The following AKAP6 variants were observed in gnomAD, a reference collection of about 807,000 sequenced individuals.
AKAP6 encodes A-kinase anchoring protein 6, also known as A-kinase anchor protein 6.
Under a neutral mutation model 188.5 loss-of-function variants are expected in AKAP6, and 58 were observed. That is an observed-to-expected ratio of 0.31 (90% CI 0.25 to 0.38). The LOEUF (loss-of-function observed/expected upper bound fraction) is 0.38. Among genes scored for constraint, AKAP6 ranks in the 10% least tolerant of loss-of-function variants. AKAP6 has a pLI of 1.00. For synonymous variants in AKAP6, 989 were observed against 998.6 expected, an observed-to-expected ratio of 0.99 and a Z score of 0.18; for missense variants, 2,710 against 2,740.0, an observed-to-expected ratio of 0.99 and a Z score of 0.24.
chr14:32,529,557 C>T (rs550983497), intron 2 of AKAP6, among the ~76,000 whole-genome samples: 18 of 152,114 alleles, frequency 1.2e-4, no homozygotes, highest in African/African-American at 3.4e-4. Context: ...TCAGTCTTTG[C>T]GGGAAAACTT....
chr14:32,555,907 T>G (rs527585514), intron 4 of AKAP6, among the ~76,000 whole-genome samples: 1 of 152,156 alleles, frequency 6.6e-6, no homozygotes, highest in East Asian at 1.9e-4. Flanking sequence ...TGAACATGGG[T>G]GTACAATTAT....
intron 4 of AKAP6, among the ~76,000 whole-genome samples, chr14:32,550,279 G>A (rs1194850142): frequency 6.6e-6 from 1 of 152,210 alleles, no homozygotes; most frequent in Non-Finnish European, 1.5e-5. Context: ...TTGAAGTAGA[G>A]GTGGTGCAGG....
chr14:32,337,347 G>A (rs879492650), intron 1 of AKAP6, among the ~76,000 whole-genome samples: 2 of 152,166 alleles, frequency 1.3e-5, no homozygotes, highest in Non-Finnish European at 2.9e-5. Flanking sequence ...GGCTTGGCTA[G>A]TAGGAGCACA....
At chr14:32,440,250 T>C (rs150459226) in intron 2 of AKAP6, among the ~76,000 whole-genome samples, 131 of 151,774 alleles carry the variant, frequency 8.6e-4, no homozygotes, top group African/African-American at 2.8e-3. Context: ...CAGTCTATTA[T>C]TGATGGACTC....
intron 2 of AKAP6, among the ~76,000 whole-genome samples, chr14:32,450,323 TG>T (rs1566509270): frequency 1.3e-5 from 2 of 151,094 alleles, no homozygotes. Context: ...TGTGTGTGTG[TG>T]AGAGAGAGAG....
intron 11 of AKAP6, among the ~76,000 whole-genome samples, chr14:32,745,181 G>T (rs780714651): frequency 2.6e-5 from 4 of 152,088 alleles, no homozygotes; most frequent in Non-Finnish European, 5.9e-5. Context: ...CGGTATCTGG[G>T]CATTGAAGAG....
intron 1 of AKAP6, among the ~76,000 whole-genome samples, chr14:32,425,791 G>C (rs1890010623): frequency 6.6e-6 from 1 of 152,210 alleles, no homozygotes; most frequent in African/African-American, 2.4e-5. Flanking sequence ...CTCCCATTCA[G>C]TAGGCTGTCC....
rs148484480 is a variant in AKAP6, at chr14:32,747,297, G to A, written c.3372+11415G>A. ...AAAAGTAGCCATGATTCCTACAGGT[G>A]CCTGGATCATCCCTGCTGCTCTAAC... On this transcript the variant is annotated intron_variant, in intron 11 of 13. Coordinates refer to ENST00000280979, the MANE Select transcript of AKAP6 (RefSeq NM_004274.5). Among the ~76,000 whole-genome samples the A allele has an allele frequency of 5.4e-3, 828 of 152,282 alleles. 13 individuals are homozygous for A. Among genetic ancestry groups the A allele is most frequent in the African/African-American group, 0.019 (802 of 41,560 alleles).
intron 12 of AKAP6, among the ~76,000 whole-genome samples, chr14:32,784,480 A>T (rs1234926221): frequency 6.6e-6 from 1 of 152,180 alleles, no homozygotes; most frequent in Non-Finnish European, 1.5e-5. Flanking sequence ...GGTGTTATAC[A>T]TTGTGAGGAG....
At chr14:32,444,657 G>C (rs565262489) in intron 2 of AKAP6, among the ~76,000 whole-genome samples, 19 of 152,304 alleles carry the variant, frequency 1.2e-4, no homozygotes, top group South Asian at 4.1e-4. Flanking sequence ...TCTCAAGAAA[G>C]AGGGAATAAT....
Position 32,419,353 on chromosome 14 carries a change from A to G in AKAP6, c.-34-14107A>G, listed in dbSNP as rs41431550. Among the ~76,000 whole-genome samples the G allele has an allele frequency of 8.5e-4, 129 of 152,316 alleles. 2 individuals are homozygous for G. The East Asian group carries it at 0.023, about 27-fold the overall frequency. Reference sequence around the variant, plus strand: ...TCTGGGAGTCTATAGTGAGTAGGAAATAATAGTGAATAGGAATAATGCTTT... The same window carrying G: ...TCTGGGAGTCTATAGTGAGTAGGAAGTAATAGTGAATAGGAATAATGCTTT... On this transcript the variant is annotated intron_variant, in intron 1 of 13. Transcript: ENST00000280979.
chr14:32,406,819 A>G (rs1889311114), intron 1 of AKAP6, among the ~76,000 whole-genome samples: 1 of 152,204 alleles, frequency 6.6e-6, no homozygotes, highest in Non-Finnish European at 1.5e-5. Context: ...ATCTGTTTTC[A>G]TGAAATTGTC....
chr14:32,786,645 A>T (rs566490742), intron 12 of AKAP6, among the ~76,000 whole-genome samples: 1 of 152,136 alleles, frequency 6.6e-6, no homozygotes, highest in East Asian at 1.9e-4. Flanking sequence ...CTTAAAAGCA[A>T]GAAAAATTTG....
intron 2 of AKAP6, among the ~76,000 whole-genome samples, chr14:32,438,365 T>G (rs190299028): frequency 1.4e-3 from 219 of 152,288 alleles, no homozygotes; most frequent in Non-Finnish European, 2.6e-3. Flanking sequence ...AAGCATACTC[T>G]CAGGTCTTCT....
At chr14:32,770,193 C>T (rs537673419) in intron 11 of AKAP6, among the ~76,000 whole-genome samples, 276 of 152,238 alleles carry the variant, frequency 1.8e-3, no homozygotes, top group South Asian at 4.1e-3. Context: ...AAACAAAAGC[C>T]TTAAGCCTGT....
At position 32,346,933 on chromosome 14, in the gene AKAP6, A is replaced by G. The variant is rs369711924; in HGVS notation, c.-35+17525A>G. ...TACTTCTTCTATAGGCTTGATACCA[A>G]GCTGTAATGAATTCAAGCCTTAGAC... On this transcript the variant is annotated intron_variant, in intron 1 of 13. Coordinates refer to ENST00000280979, the MANE Select transcript of AKAP6 (RefSeq NM_004274.5). 1.3e-3 allele frequency among the ~76,000 whole-genome samples: 198 copies of G among 152,340 alleles called. 9 individuals are homozygous for G. In the South Asian group the frequency reaches 0.039, roughly 30 times the overall value.
chr14:32,780,243 G>A (rs770800288), intron 12 of AKAP6, among the ~76,000 whole-genome samples: 3 of 150,282 alleles, frequency 2.0e-5, no homozygotes, highest in Non-Finnish European at 4.4e-5. Context: ...TGCTATTGGT[G>A]AAAACATGGA....
At chr14:32,581,953 G>A (rs1406064140) in intron 5 of AKAP6, among the ~76,000 whole-genome samples, 3 of 152,064 alleles carry the variant, frequency 2.0e-5, no homozygotes, top group African/African-American at 7.2e-5. Flanking sequence ...TATCCAATTT[G>A]CCAGTCTGTG....
chr14:32,601,589 T>C (rs1885930148), intron 7 of AKAP6, among the ~76,000 whole-genome samples: 1 of 152,216 alleles, frequency 6.6e-6, no homozygotes, highest in Non-Finnish European at 1.5e-5. Flanking sequence ...TGCTCCTTTG[T>C]GGAAGTAAAC....
Sources: gnomAD v4.1 joint callset for allele counts (sites outside exome capture counted in the v4.1 genomes callset) on GRCh38, gnomAD v4.1.1 for gene constraint, MANE v1.5 for transcripts, NCBI Gene and HGNC (gene_info 2026-07-23, HGNC 2026-07-21) for gene names.